The following GPHN variants were observed in gnomAD, a reference collection of about 807,000 sequenced individuals.
The protein encoded by GPHN is gephyrin.
GPHN carries 17 observed loss-of-function variants against 95.5 expected under a neutral mutation model. The ratio of observed to expected loss-of-function variants is 0.18; its 90% confidence interval spans 0.12 to 0.27. GPHN has a LOEUF of 0.27. GPHN is among the 10% of genes least tolerant of loss of function. The pLI, the probability that GPHN is intolerant of heterozygous loss-of-function variation, is 1.00. For synonymous variants in GPHN, 320 were observed against 322.5 expected (o/e 0.99, Z 0.08); for missense variants, 660 against 978.1 (o/e 0.67, Z 4.34).
At chr14:66,874,113 G>A (rs1483818819) in intron 4 of GPHN, among the ~76,000 whole-genome samples, 1 of 152,214 alleles carries the variant, frequency 6.6e-6, no homozygotes, top group Non-Finnish European at 1.5e-5. Flanking sequence ...CAGGAAAACA[G>A]GGTCTAGAGT....
chr14:66,621,243 G>A (rs1372133992), intron 1 of GPHN, among the ~76,000 whole-genome samples: 11 of 151,084 alleles, frequency 7.3e-5, no homozygotes, highest in African/African-American at 2.4e-4. Flanking sequence ...CCAAAGTGCT[G>A]GGATTACAGG....
intron 1 of GPHN, among the ~76,000 whole-genome samples, chr14:66,651,967 A>C (rs773707831): frequency 6.6e-6 from 1 of 152,074 alleles, no homozygotes. Context: ...AATAAATATA[A>C]TGTGCTTGAA....
At chr14:67,043,656 C>T (rs1201717544) in intron 10 of GPHN, among the ~76,000 whole-genome samples, 1 of 152,066 alleles carries the variant, frequency 6.6e-6, no homozygotes, top group Non-Finnish European at 1.5e-5. Context: ...ATTTTTGCAT[C>T]GATGTTCATC....
At chr14:66,836,169 A>C (rs2061798678) in intron 4 of GPHN, among the ~76,000 whole-genome samples, 2 of 131,610 alleles carry the variant, frequency 1.5e-5, no homozygotes, top group Non-Finnish European at 3.0e-5. Flanking sequence ...AGCTGGAGGC[A>C]TCACACTACC....
chr14:67,710,745 C>T, the GPHN span, among the ~76,000 whole-genome samples: 10 of 150,584 alleles, frequency 6.6e-5, no homozygotes, highest in Non-Finnish European at 8.9e-5. Flanking sequence ...TTAGAAAGAA[C>T]GTTTTCCTAC....
intron 1 of GPHN, among the ~76,000 whole-genome samples, chr14:66,517,256 A>G (rs1049753125): frequency 6.6e-6 from 1 of 152,144 alleles, no homozygotes; most frequent in Non-Finnish European, 1.5e-5. Flanking sequence ...GAGTCTATAC[A>G]GAACATTTTG....
At chr14:66,696,247 G>T (rs1289579243) in intron 2 of GPHN, among the ~76,000 whole-genome samples, 1 of 152,146 alleles carries the variant, frequency 6.6e-6, no homozygotes, top group East Asian at 1.9e-4. Context: ...ATCCTCATTA[G>T]AAAAATATTT....
intron 18 of GPHN, among the ~76,000 whole-genome samples, chr14:67,148,482 G>A (rs925245660): frequency 4.6e-5 from 7 of 151,266 alleles, no homozygotes; most frequent in South Asian, 2.1e-4. Context: ...CTTCATAACC[G>A]TAAGGGTCCT....
the GPHN span, among the ~76,000 whole-genome samples, chr14:67,702,904 C>T: frequency 6.6e-6 from 1 of 152,200 alleles, no homozygotes; most frequent in African/African-American, 2.4e-5. Context: ...GCCTGGACCT[C>T]CCAGGCTCAA....
At chr14:67,342,648 T>C in the GPHN span, among the ~76,000 whole-genome samples, 1 of 150,952 alleles carries the variant, frequency 6.6e-6, no homozygotes, top group African/African-American at 2.4e-5. Context: ...ATGAGGTAAC[T>C]TTCTCACTAA....
chr14:67,651,020 C>T, the GPHN span: 1 of 1,223,748 alleles, frequency 8.2e-7, no homozygotes, highest in Non-Finnish European at 1.2e-6. Flanking sequence ...TCAATACTGC[C>T]TTAATGAGAA....
the GPHN span, among the ~76,000 whole-genome samples, chr14:67,574,995 G>A: frequency 6.3e-3 from 960 of 152,236 alleles, 16 homozygotes; most frequent in Non-Finnish European, 5.7e-3. This position sits in a 1 kb window ranked among gnomAD's most constrained non-coding sequence, Gnocchi z 4.2. Context: ...ATTCTCCTTC[G>A]CCCGTGTGCA....
chr14:66,957,195 T>C (rs2068580762), intron 8 of GPHN, among the ~76,000 whole-genome samples: 1 of 129,732 alleles, frequency 7.7e-6, no homozygotes, highest in African/African-American at 3.0e-5. Context: ...TTCTTTTTTT[T>C]TTTTTTTTTT....
intron 1 of GPHN, chr14:66,509,504 C>T (rs2057950028): frequency 6.6e-6 from 1 of 152,256 alleles, no homozygotes; most frequent in African/African-American, 2.4e-5. Context: ...TAATATCCGT[C>T]ACTTCGGCGA....
chr14:67,539,923 G>A, the GPHN span, among the ~76,000 whole-genome samples: 18 of 152,174 alleles, frequency 1.2e-4, no homozygotes, highest in Non-Finnish European at 2.1e-4. Context: ...GCTACTTGTA[G>A]TGTATGATGG....
the GPHN span, chr14:67,382,649 G>T: frequency 8.2e-6 from 13 of 1,584,112 alleles, no homozygotes; most frequent in South Asian, 2.2e-5. Context: ...AGGAGTTCTT[G>T]TAGGTAAATA....
chr14:66,994,569 A>C (rs1348926534), intron 9 of GPHN, among the ~76,000 whole-genome samples: 1 of 152,206 alleles, frequency 6.6e-6, no homozygotes, highest in African/African-American at 2.4e-5. Flanking sequence ...CTAATAAAAT[A>C]TCTCAAGTAA....
chr14:66,588,918 A>G (rs1326834624), intron 1 of GPHN, among the ~76,000 whole-genome samples: 3 of 152,142 alleles, frequency 2.0e-5, no homozygotes, highest in Non-Finnish European at 2.9e-5. Flanking sequence ...AGCAACCCCA[A>G]GACACATAAT....
At chr14:67,144,747 T>A (rs189720461) in intron 18 of GPHN, among the ~76,000 whole-genome samples, 1 of 152,330 alleles carries the variant, frequency 6.6e-6, no homozygotes, top group Admixed American at 6.5e-5. Context: ...TGAACTCTGT[T>A]GGCTCGGAGA....
Sources: allele counts gnomAD v4.1 joint callset (sites outside exome capture counted in the v4.1 genomes callset), GRCh38; gene constraint gnomAD v4.1.1; non-coding constraint Gnocchi (gnomAD v3.1); transcripts MANE v1.5; gene names NCBI Gene and HGNC (gene_info 2026-07-23, HGNC 2026-07-21).